The following UBE3D variants were observed in gnomAD, a reference collection of about 807,000 sequenced individuals.
UBE3D encodes the protein E3 ubiquitin-protein ligase E3D.
In UBE3D, 48 loss-of-function variants were observed where a neutral mutation model predicts 49.6. That is an observed-to-expected ratio of 0.97 (90% CI 0.77 to 1.23). The LOEUF (loss-of-function observed/expected upper bound fraction) is 1.23. Among genes scored for constraint, UBE3D ranks in the 50% most tolerant of loss-of-function variants. The pLI, the probability that UBE3D is intolerant of heterozygous loss-of-function variation, is 0.00. For missense variants in UBE3D, 452 were observed against 468.4 expected (o/e 0.96, Z 0.32); for synonymous variants, 189 against 174.2 (o/e 1.08, Z -0.67).
chr6:83,034,857 AT>A (rs1782130856), intron 5 of UBE3D, among the ~76,000 whole-genome samples: 1 of 151,942 alleles, frequency 6.6e-6, no homozygotes, highest in Admixed American at 6.6e-5. Flanking sequence ...AAATCAAATA[AT>A]TTATCAATTC....
At chr6:82,912,606 A>G (rs932630327) in intron 9 of UBE3D, among the ~76,000 whole-genome samples, 2 of 152,230 alleles carry the variant, frequency 1.3e-5, no homozygotes. Context: ...AAGAGCTTCA[A>G]AGAGTTATGT....
chr6:82,981,864 T>A (rs1778141372), intron 8 of UBE3D, among the ~76,000 whole-genome samples: 1 of 152,114 alleles, frequency 6.6e-6, no homozygotes, highest in Admixed American at 6.6e-5. Context: ...TGTATATACA[T>A]CTAGTTGAAG....
At chr6:83,019,361 G>T (rs1165266983) in intron 7 of UBE3D, among the ~76,000 whole-genome samples, 1 of 149,316 alleles carries the variant, frequency 6.7e-6, no homozygotes, top group Non-Finnish European at 1.5e-5. Context: ...GAGAAAATAT[G>T]CATAAGTAAC....
intron 9 of UBE3D, among the ~76,000 whole-genome samples, chr6:82,931,099 G>C (rs1379537976): frequency 5.9e-5 from 9 of 152,236 alleles, no homozygotes; most frequent in Admixed American, 5.9e-4. Flanking sequence ...CCAAGGTACA[G>C]CTCAGGTTGT....
intron 8 of UBE3D, among the ~76,000 whole-genome samples, chr6:82,961,562 C>T (rs755035674): frequency 9.2e-5 from 14 of 152,202 alleles, no homozygotes; most frequent in Non-Finnish European, 1.5e-4. Flanking sequence ...GTGCTATTCG[C>T]ACCACACCAC....
chr6:82,960,943 T>G (rs1217511415), intron 8 of UBE3D, among the ~76,000 whole-genome samples: 1 of 152,148 alleles, frequency 6.6e-6, no homozygotes, highest in Non-Finnish European at 1.5e-5. Flanking sequence ...TCATTCTGAA[T>G]TTTTTTAAAA....
chr6:82,957,368 A>G lies in UBE3D; in HGVS notation c.1093T>C (p.Leu365=). ...SATCLELLLI[L]SKSNANLPSS... ...GGCAGATTGGCATTACTCTTTGACA[A>G]TATCAACAGCAGCTCCAAGCAGGTT... The change falls in exon 9 of 10, where the codon TTG becomes CTG. Residue 365 remains leucine, a synonymous_variant. Transcript: ENST00000369747. 6.2e-7 allele frequency: 1 copy of G among 1,614,154 alleles called. No individual in the cohort carries two copies. Among genetic ancestry groups the G allele is most frequent in the Non-Finnish European group, 8.5e-7 (1 of 1,180,018 alleles).
At chr6:82,962,815 C>T (rs1776648843) in intron 8 of UBE3D, among the ~76,000 whole-genome samples, 1 of 152,064 alleles carries the variant, frequency 6.6e-6, no homozygotes, top group Admixed American at 6.6e-5. Context: ...TAATTCCACC[C>T]AAAGAGATTA....
intron 9 of UBE3D, among the ~76,000 whole-genome samples, chr6:82,918,820 A>G (rs1265249458): frequency 1.3e-5 from 2 of 151,468 alleles, no homozygotes; most frequent in African/African-American, 4.9e-5. Context: ...ATCTCTCATT[A>G]TTTCTTCACT....
intron 9 of UBE3D, among the ~76,000 whole-genome samples, chr6:82,950,124 G>GA (rs1201199886): frequency 1.3e-5 from 2 of 152,004 alleles, no homozygotes; most frequent in Non-Finnish European, 2.9e-5. Context: ...TCTGACAAGA[G>GA]ATTAATAACC....
intron 9 of UBE3D, among the ~76,000 whole-genome samples, chr6:82,918,962 C>T (rs1282670115): frequency 2.6e-5 from 4 of 152,112 alleles, no homozygotes; most frequent in Non-Finnish European, 5.9e-5. Flanking sequence ...CAAATAAAGC[C>T]TCTTCCCTGG....
At chr6:82,935,399 A>G in intron 9 of UBE3D, among the ~76,000 whole-genome samples, 1 of 152,180 alleles carries the variant, frequency 6.6e-6, no homozygotes, top group Middle Eastern at 3.2e-3. Flanking sequence ...ATCTTGGATT[A>G]AAATTCAACA....
chr6:83,002,424 C>A (rs574835218), intron 8 of UBE3D, among the ~76,000 whole-genome samples: 57 of 152,264 alleles, frequency 3.7e-4, no homozygotes, highest in Non-Finnish European at 7.1e-4. Flanking sequence ...TTGGCTCACC[C>A]CTGTAATCCC....
chr6:82,967,429 C>G (rs1035122659), intron 8 of UBE3D, among the ~76,000 whole-genome samples: 4 of 151,934 alleles, frequency 2.6e-5, no homozygotes, highest in Non-Finnish European at 4.4e-5. Context: ...TTACGAGCAT[C>G]TCTTAAGATA....
chr6:83,003,987 A>T (rs551545241), intron 8 of UBE3D, among the ~76,000 whole-genome samples: 60 of 152,318 alleles, frequency 3.9e-4, no homozygotes, highest in African/African-American at 1.4e-3. Context: ...ATATTTTTCC[A>T]TAGGCACCTA....
chr6:83,031,128 C>T (rs184278812), intron 5 of UBE3D, among the ~76,000 whole-genome samples: 36 of 152,262 alleles, frequency 2.4e-4, no homozygotes, highest in East Asian at 3.9e-4. Flanking sequence ...ATGCCTCAGC[C>T]GCCCAAGTAG....
intron 8 of UBE3D, among the ~76,000 whole-genome samples, chr6:82,965,409 C>T (rs1306354401): frequency 6.8e-6 from 1 of 148,020 alleles, no homozygotes; most frequent in Admixed American, 6.8e-5. Context: ...CATGGAGAAA[C>T]CCCATCTCTA....
chr6:82,911,228 G>T (rs1183160828), intron 9 of UBE3D, among the ~76,000 whole-genome samples: 3 of 113,506 alleles, frequency 2.6e-5, no homozygotes, highest in African/African-American at 3.4e-5. Context: ...AAAAAACTCA[G>T]GGGGGACATG....
Position 83,019,117 on chromosome 6 carries a change from T to A in UBE3D, c.866A>T (p.Asp289Val), listed in dbSNP as rs533422449. ...VYILLWLLNS[D>V]SLVIESLRNS... The stretch of plus-strand genomic sequence containing the variant: ...TCTCAAAGATTCAATCACCAAACTG[T>A]CTGAATTTAAAAGCCATAGCTAAAG... The change falls in exon 8 of 10, where the codon GAC (aspartate) becomes GTC (valine). Residue 289 changes from aspartate (D) to valine (V), a missense_variant. Physicochemically the swap from Asp to Val is radical, Grantham distance 152 (BLOSUM62 -3). Coordinates refer to ENST00000369747, the MANE Select transcript of UBE3D (RefSeq NM_198920.3). 1 of 1,613,130 alleles carries A rather than the reference T, an allele frequency of 6.2e-7. No individual in the cohort carries two copies. Among genetic ancestry groups the A allele is most frequent in the Non-Finnish European group, 8.5e-7 (1 of 1,179,738 alleles).
Sources: allele counts gnomAD v4.1 joint callset (sites outside exome capture counted in the v4.1 genomes callset), GRCh38; gene constraint gnomAD v4.1.1; transcripts MANE v1.5; gene names NCBI Gene and HGNC (gene_info 2026-07-23, HGNC 2026-07-21).